FSTL5: variants seen among roughly 807,000 people sequenced by gnomAD.
FSTL5 encodes the protein follistatin-related protein 5.
A neutral mutation model predicts 89.1 loss-of-function variants in FSTL5; 62 were observed. The ratio of observed to expected loss-of-function variants is 0.70; its 90% CI spans 0.57 to 0.86. The LOEUF is 0.86. FSTL5 is among the 40% of genes least tolerant of loss of function. The probability of loss-of-function intolerance (pLI) is 0.00; values close to 1 mark genes in which losing one functional copy is unlikely to be tolerated. For missense variants in FSTL5, 1,057 were observed against 1,001.6 expected (o/e 1.06, Z -0.75); for synonymous variants, 383 against 346.2 (o/e 1.11, Z -1.18).
intron 1 of FSTL5, among the ~76,000 whole-genome samples, chr4:162,145,299 C>T (rs752474126): frequency 8.6e-5 from 13 of 151,926 alleles, no homozygotes; most frequent in Admixed American, 2.0e-4. Flanking sequence ...TATCTAAAAA[C>T]ACACAAAGCG....
intron 4 of FSTL5, among the ~76,000 whole-genome samples, chr4:161,798,164 T>C (rs761703455): frequency 6.6e-6 from 1 of 151,752 alleles, no homozygotes; most frequent in Admixed American, 6.6e-5. Flanking sequence ...CATAGGTTCA[T>C]AGATTTAAGA....
intron 6 of FSTL5, among the ~76,000 whole-genome samples, chr4:161,757,682 G>GCC (rs1740625983): frequency 6.6e-6 from 1 of 152,074 alleles, no homozygotes; most frequent in Admixed American, 6.5e-5. Context: ...GCAATTGCGT[G>GCC]ATCTTGGCTC....
At chr4:161,942,280 A>T (rs1734609119) in intron 3 of FSTL5, among the ~76,000 whole-genome samples, 1 of 147,176 alleles carries the variant, frequency 6.8e-6, no homozygotes, top group Non-Finnish European at 1.5e-5. Context: ...AAAGATTAGG[A>T]CAGTAATAAA....
chr4:162,101,073 G>A (rs1275861193), intron 2 of FSTL5, among the ~76,000 whole-genome samples: 1 of 152,170 alleles, frequency 6.6e-6, no homozygotes, highest in African/African-American at 2.4e-5. Context: ...CCTTCAGACA[G>A]CCAGGTGGCT....
At chr4:161,798,412 C>T (rs10017059) in intron 4 of FSTL5, among the ~76,000 whole-genome samples, 2,181 of 150,964 alleles carry the variant, frequency 0.014, 48 homozygotes, top group African/African-American at 0.049. Context: ...TCTTTATAGA[C>T]TTTTTGTTAG....
intron 4 of FSTL5, among the ~76,000 whole-genome samples, chr4:161,864,022 AAAGCTCCAAGAGT>A (rs1732001643): frequency 6.6e-6 from 1 of 152,178 alleles, no homozygotes; most frequent in East Asian, 1.9e-4. Flanking sequence ...GAACCCCCAT[AAAGCTCCAAGAGT>A]AGTGTCAACT....
In FSTL5 at chr4:162,029,705, AAG is replaced by A. The variant is rs1041548514; in HGVS notation, c.160+3918_160+3919del. On this transcript the variant is annotated intron_variant, in intron 3 of 15. Coordinates refer to ENST00000306100, the MANE Select transcript of FSTL5 (RefSeq NM_020116.5). Reference sequence around the variant, plus strand: ...CTGAACAGTAATTATGTAAATTTGCAAGAGAGTCAATATTTGTAACCACAAGA... The same window carrying A: ...CTGAACAGTAATTATGTAAATTTGCAAGAGTCAATATTTGTAACCACAAGA... 3.3e-5 allele frequency among the ~76,000 whole-genome samples: 5 copies of A among 152,200 alleles called. 1 individual carries two copies. Among genetic ancestry groups the A allele is most frequent in the East Asian group, 1.9e-4 (1 of 5,168 alleles).
At chr4:162,157,801 T>G (rs1322000978) in intron 1 of FSTL5, among the ~76,000 whole-genome samples, 1 of 152,078 alleles carries the variant, frequency 6.6e-6, no homozygotes, top group Middle Eastern at 3.2e-3. Context: ...GATGCAACTT[T>G]CTGGCACACC....
chr4:161,630,280 C>T (rs1327465502), intron 7 of FSTL5, among the ~76,000 whole-genome samples: 1 of 152,176 alleles, frequency 6.6e-6, no homozygotes, highest in Non-Finnish European at 1.5e-5. Context: ...TGAGTTACTG[C>T]CAGCTCTCAT....
intron 1 of FSTL5, among the ~76,000 whole-genome samples, chr4:162,155,852 G>GC (rs768908485): frequency 1.3e-4 from 20 of 152,180 alleles, no homozygotes; most frequent in Non-Finnish European, 2.9e-4. Context: ...GGAAAAGCAG[G>GC]CTGACTACTT....
intron 1 of FSTL5, among the ~76,000 whole-genome samples, chr4:162,147,072 G>A (rs945707193): frequency 1.1e-4 from 16 of 152,004 alleles, no homozygotes; most frequent in Non-Finnish European, 1.9e-4. Flanking sequence ...GTGAGCCATC[G>A]CACCTGGTCC....
chr4:161,658,949 C>T (rs933422923), intron 6 of FSTL5, among the ~76,000 whole-genome samples: 7 of 152,138 alleles, frequency 4.6e-5, no homozygotes, highest in Non-Finnish European at 1.0e-4. Flanking sequence ...TTCACTAACC[C>T]TTCCGCATCT....
intron 4 of FSTL5, among the ~76,000 whole-genome samples, chr4:161,815,638 A>G (rs2126844342): frequency 6.6e-6 from 1 of 152,164 alleles, no homozygotes; most frequent in East Asian, 1.9e-4. Context: ...AGCTACCCAC[A>G]TAAGTTAAGT....
intron 10 of FSTL5, among the ~76,000 whole-genome samples, chr4:161,521,398 GCTAC>G (rs1303577529): frequency 6.6e-6 from 1 of 151,688 alleles, no homozygotes; most frequent in Non-Finnish European, 1.5e-5. Flanking sequence ...TGGTCATAAT[GCTAC>G]CTGATTTTAA....
chr4:161,986,926 C>G (rs1458976773), intron 3 of FSTL5, among the ~76,000 whole-genome samples: 1 of 152,144 alleles, frequency 6.6e-6, no homozygotes, highest in Non-Finnish European at 1.5e-5. Flanking sequence ...ACCTTGAAAA[C>G]TAAATCCTAA....
chr4:161,666,245 A>G lies in FSTL5; in HGVS notation c.728-9751T>C, dbSNP rs544976835. On this transcript the variant is annotated intron_variant, in intron 6 of 15. Coordinates refer to ENST00000306100, the MANE Select transcript of FSTL5 (RefSeq NM_020116.5). ...TAACAAAACAATCAAGAAATCAATAAAAGACTTGAAAAAGTGCTTTATGAA... is the reference window on the plus strand; with the variant it reads ...TAACAAAACAATCAAGAAATCAATAGAAGACTTGAAAAAGTGCTTTATGAA... Among the ~76,000 whole-genome samples the G allele has an allele frequency of 2.6e-3, 401 of 152,266 alleles. 1 individual carries two copies. The highest frequency in any genetic ancestry group is 3.4e-3 in the Middle Eastern group (1 of 294).
At chr4:162,162,148 T>C (rs1733719627) in intron 1 of FSTL5, among the ~76,000 whole-genome samples, 2 of 152,100 alleles carry the variant, frequency 1.3e-5, no homozygotes. Context: ...ATCACTCTCT[T>C]GTAGGGCTGT....
intron 4 of FSTL5, among the ~76,000 whole-genome samples, chr4:161,856,407 T>C (rs2126885700): frequency 6.6e-6 from 1 of 152,168 alleles, no homozygotes. Flanking sequence ...TAATGATTTC[T>C]AAGAGCATCT....
chr4:161,860,559 T>C (rs1731878020), intron 4 of FSTL5, among the ~76,000 whole-genome samples: 1 of 152,196 alleles, frequency 6.6e-6, no homozygotes, highest in Non-Finnish European at 1.5e-5. Context: ...AGCAGGAATC[T>C]ATGTACACGC....
Sources: gnomAD v4.1 joint callset for allele counts (sites outside exome capture counted in the v4.1 genomes callset) on GRCh38, gnomAD v4.1.1 for gene constraint, MANE v1.5 for transcripts, NCBI Gene and HGNC (gene_info 2026-07-23, HGNC 2026-07-21) for gene names.